Variants in GLI3 observed in about 807,000 individuals in gnomAD.
GLI3 encodes the protein transcription activator GLI3.
In GLI3, 20 loss-of-function variants were observed where a neutral mutation model predicts 100.8. The ratio of observed to expected loss-of-function variants is 0.20; its 90% CI spans 0.14 to 0.29. The LOEUF is 0.29. Among genes scored for constraint, GLI3 ranks in the 10% least tolerant of loss-of-function variants. GLI3 has a pLI of 1.00. For synonymous variants in GLI3, 938 were observed against 860.5 expected, an observed-to-expected ratio of 1.09 and a Z score of -1.58; for missense variants, 2,040 against 2,128.5, an observed-to-expected ratio of 0.96 and a Z score of 0.82.
intron 2 of GLI3, among the ~76,000 whole-genome samples, chr7:42,174,969 GC>G: frequency 6.6e-6 from 1 of 152,328 alleles, no homozygotes; most frequent in South Asian, 2.1e-4. Context: ...CTGCCCCCAT[GC>G]TGACATGAAG....
intron 2 of GLI3, among the ~76,000 whole-genome samples, chr7:42,169,719 T>C (rs1420322848): frequency 6.6e-6 from 1 of 151,462 alleles, no homozygotes; most frequent in African/African-American, 2.4e-5. Context: ...TGCCCAACAA[T>C]AGAAGATTAA....
At chr7:42,219,946 C>A (rs951325982) in intron 2 of GLI3, among the ~76,000 whole-genome samples, 1 of 151,700 alleles carries the variant, frequency 6.6e-6, no homozygotes, top group East Asian at 1.9e-4. Context: ...CTCCACCTCC[C>A]GAATTCACGC....
At chr7:42,131,655 C>A (rs941691171) in intron 3 of GLI3, among the ~76,000 whole-genome samples, 23 of 152,138 alleles carry the variant, frequency 1.5e-4, no homozygotes, top group Non-Finnish European at 2.5e-4. Context: ...ATATTAACAA[C>A]CCTGACACTA....
intron 2 of GLI3, among the ~76,000 whole-genome samples, chr7:42,174,717 T>G (rs890774934): frequency 1.3e-5 from 2 of 152,190 alleles, no homozygotes; most frequent in African/African-American, 4.8e-5. Context: ...TTTGATGAAC[T>G]GTGTTCATCA....
At chr7:42,089,739 T>A (rs1007703350) in intron 3 of GLI3, among the ~76,000 whole-genome samples, 3 of 152,228 alleles carry the variant, frequency 2.0e-5, no homozygotes, top group Non-Finnish European at 4.4e-5. Flanking sequence ...ACAGCCATAA[T>A]ATAAATTTTC....
chr7:42,040,264 T>C (rs1784105835), intron 6 of GLI3, 25 bp from the exon 7 acceptor site: 1 of 1,524,546 alleles, frequency 6.6e-7, no homozygotes, highest in East Asian at 2.3e-5. Flanking sequence ...AAAAAGAACC[T>C]AATTACCTGC....
intron 2 of GLI3, among the ~76,000 whole-genome samples, chr7:42,182,048 G>A (rs1324367229): frequency 6.6e-6 from 1 of 152,070 alleles, no homozygotes; most frequent in Non-Finnish European, 1.5e-5. Context: ...CTAGGTTCCT[G>A]GGGCCCTACG....
rs1189245216 is a variant in GLI3 at position 42,201,162 on chromosome 7, A to T, written c.124+21968T>A. Among the ~76,000 whole-genome samples the T allele has an allele frequency of 2.6e-5, 4 of 152,210 alleles. No individual in the cohort carries two copies. In the South Asian group the frequency reaches 8.3e-4, roughly 32 times the overall value. ...CAACAATAACTAATAATAAAATAGAATAATTACAACAATATACTGTAATAA... is the reference window on the plus strand; with the variant it reads ...CAACAATAACTAATAATAAAATAGATTAATTACAACAATATACTGTAATAA... On this transcript the variant is annotated intron_variant, in intron 2 of 14. Coordinates refer to ENST00000395925, the MANE Select transcript of GLI3 (RefSeq NM_000168.6).
chr7:42,028,023 C>G (rs1423434554), intron 7 of GLI3, among the ~76,000 whole-genome samples: 9 of 152,156 alleles, frequency 5.9e-5, no homozygotes, highest in African/African-American at 2.2e-4. Context: ...AAGCTTTCTT[C>G]TAATAGCTGA....
Position 42,109,540 on chromosome 7 carries a change from C to T in GLI3, c.368-32683G>A, listed in dbSNP as rs138531955. On this transcript the variant is annotated intron_variant, in intron 3 of 14. Coordinates refer to ENST00000395925, the MANE Select transcript of GLI3 (RefSeq NM_000168.6). ...GCCACACAATCAGAAAGTGAGAGGA[C>T]TACAGAAAAACCAGCAGGGCACTGG... 2.0e-3 allele frequency among the ~76,000 whole-genome samples: 297 copies of T among 152,238 alleles called. 1 individual carries two copies. Among genetic ancestry groups the T allele is most frequent in the Non-Finnish European group, 3.4e-3 (228 of 68,024 alleles).
chr7:41,982,590 C>T (rs1172000500), intron 10 of GLI3, among the ~76,000 whole-genome samples: 1 of 150,880 alleles, frequency 6.6e-6, no homozygotes, highest in African/African-American at 2.4e-5. Context: ...TAGTCTCAGC[C>T]ACTTGTGAGG....
At chr7:42,082,286 C>T (rs1785012321) in intron 3 of GLI3, among the ~76,000 whole-genome samples, 1 of 152,060 alleles carries the variant, frequency 6.6e-6, no homozygotes, top group Admixed American at 6.5e-5. Context: ...CTCGTGCCTG[C>T]AAGTCGTTTT....
At chr7:42,259,246 A>G (rs1446299748) in intron 1 of GLI3, among the ~76,000 whole-genome samples, 1 of 152,206 alleles carries the variant, frequency 6.6e-6, no homozygotes, top group African/African-American at 2.4e-5. Flanking sequence ...GTGTCTGTGA[A>G]GTAAAATAAA....
At chr7:42,130,917 A>G (rs1786259721) in intron 3 of GLI3, among the ~76,000 whole-genome samples, 1 of 152,244 alleles carries the variant, frequency 6.6e-6, no homozygotes, top group Non-Finnish European at 1.5e-5. Flanking sequence ...ATACAAATCA[A>G]AGAGACATCA....
chr7:42,110,871 C>T (rs1785689647), intron 3 of GLI3, among the ~76,000 whole-genome samples: 1 of 152,112 alleles, frequency 6.6e-6, no homozygotes, highest in Non-Finnish European at 1.5e-5. Flanking sequence ...AGTAGACACC[C>T]AGTGCAAAAT....
chr7:42,197,707 C>T (rs967965829), intron 2 of GLI3, among the ~76,000 whole-genome samples: 3 of 152,312 alleles, frequency 2.0e-5, no homozygotes, highest in African/African-American at 7.2e-5. Context: ...ACTCACAGGC[C>T]TAAAAGCAGT....
chr7:42,169,825 G>A (rs1787325810), intron 2 of GLI3, among the ~76,000 whole-genome samples: 3 of 152,102 alleles, frequency 2.0e-5, no homozygotes, highest in Admixed American at 2.0e-4. Flanking sequence ...ATGGTTATCT[G>A]TGAGAAGTCA....
intron 10 of GLI3, among the ~76,000 whole-genome samples, chr7:41,983,672 G>T (rs1256579408): frequency 6.6e-6 from 1 of 152,138 alleles, no homozygotes; most frequent in Non-Finnish European, 1.5e-5. Context: ...GAGTCAGAAA[G>T]AGATAGATGG....
chr7:42,110,513 T>C (rs1164813211), intron 3 of GLI3, among the ~76,000 whole-genome samples: 1 of 152,082 alleles, frequency 6.6e-6, no homozygotes, highest in African/African-American at 2.4e-5. Context: ...CCATGGTAAG[T>C]CCAAGAAAGG....
Sources: gnomAD v4.1 joint callset for allele counts (sites outside exome capture counted in the v4.1 genomes callset) on GRCh38, gnomAD v4.1.1 for gene constraint, MANE v1.5 for transcripts, NCBI Gene and HGNC (gene_info 2026-07-23, HGNC 2026-07-21) for gene names.